Variants in CNTN3 observed in about 807,000 individuals in gnomAD.
CNTN3 encodes the protein contactin 3, also known as contactin-3.
A neutral mutation model predicts 119.1 loss-of-function variants in CNTN3; 60 were observed. That is an observed-to-expected ratio of 0.50 (90% CI 0.41 to 0.62). CNTN3 has a LOEUF of 0.62. Ranked by LOEUF, CNTN3 falls within the 20% of genes least tolerant of loss-of-function variation. The pLI is 0.00. For synonymous variants in CNTN3, 450 were observed against 438.7 expected, an observed-to-expected ratio of 1.03 and a Z score of -0.32; for missense variants, 1,101 against 1,242.4, an observed-to-expected ratio of 0.89 and a Z score of 1.71.
intron 5 of CNTN3, among the ~76,000 whole-genome samples, chr3:74,403,740 T>C (rs1360114152): frequency 1.3e-5 from 2 of 152,142 alleles, no homozygotes; most frequent in Admixed American, 6.6e-5. Flanking sequence ...AGAAAGTTAT[T>C]GGGCCTTTAG....
At chr3:74,496,016 C>A (rs1163657664) in intron 3 of CNTN3, among the ~76,000 whole-genome samples, 1 of 152,064 alleles carries the variant, frequency 6.6e-6, no homozygotes, top group African/African-American at 2.4e-5. Flanking sequence ...CTGTCAAATA[C>A]AGTGGCAACT....
chr3:74,319,958 C>T (rs1702943718), intron 13 of CNTN3, among the ~76,000 whole-genome samples: 1 of 152,086 alleles, frequency 6.6e-6, no homozygotes, highest in South Asian at 2.1e-4. Context: ...CAAATCAATA[C>T]CACAATGAGA....
At chr3:74,502,720 G>C (rs983572575) in intron 2 of CNTN3, among the ~76,000 whole-genome samples, 1 of 151,998 alleles carries the variant, frequency 6.6e-6, no homozygotes, top group Non-Finnish European at 1.5e-5. Context: ...TTGTCATTCA[G>C]AATTTAGCAT....
At chr3:74,365,865 A>G (rs995838670) in intron 8 of CNTN3, among the ~76,000 whole-genome samples, 163 bp from the exon 9 acceptor site, 3 of 152,162 alleles carry the variant, frequency 2.0e-5, no homozygotes, top group Admixed American at 1.3e-4. Context: ...TTCACTAAGT[A>G]TCTACTCATT....
intron 12 of CNTN3, among the ~76,000 whole-genome samples, chr3:74,335,599 G>A (rs1303064925): frequency 1.3e-5 from 2 of 152,074 alleles, no homozygotes; most frequent in African/African-American, 4.8e-5. Flanking sequence ...CTACAATTAT[G>A]CTAGTCAATT....
chr3:74,277,533 T>C (rs1347468037), intron 20 of CNTN3, among the ~76,000 whole-genome samples: 3 of 152,088 alleles, frequency 2.0e-5, no homozygotes, highest in East Asian at 3.9e-4. Flanking sequence ...ATTATCTCAA[T>C]AGATACAGAA....
At position 74,369,186 on chromosome 3, in the gene CNTN3, C is replaced by T; in HGVS notation, c.946+3G>A. On this transcript the variant is annotated splice_donor_region_variant and intron_variant, in intron 8 of 22. Coordinates refer to ENST00000263665, the MANE Select transcript of CNTN3 (RefSeq NM_020872.3). ...CTCCAATTTGCCCAAAGCAGATGCT[C>T]ACCATAGTAAGTGAGACGCCCTCTG... 1 of 1,586,084 alleles carries T rather than the reference C, an allele frequency of 6.3e-7. No homozygotes were observed. Among genetic ancestry groups the T allele is most frequent in the Non-Finnish European group, 8.6e-7 (1 of 1,167,714 alleles).
At chr3:74,314,921 C>T (rs1429269224) in intron 13 of CNTN3, among the ~76,000 whole-genome samples, 3 of 152,104 alleles carry the variant, frequency 2.0e-5, no homozygotes, top group Non-Finnish European at 4.4e-5. Flanking sequence ...TACTGCATTC[C>T]CAGGAGGTCA....
chr3:74,306,102 A>G (rs971069783), intron 13 of CNTN3, among the ~76,000 whole-genome samples: 3 of 151,942 alleles, frequency 2.0e-5, no homozygotes, highest in African/African-American at 7.3e-5. Flanking sequence ...AGAAACTCCA[A>G]AAGGAAGTTT....
intron 4 of CNTN3, among the ~76,000 whole-genome samples, chr3:74,452,412 T>G (rs968394858): frequency 7.0e-6 from 1 of 142,756 alleles, no homozygotes; most frequent in Non-Finnish European, 1.5e-5. Flanking sequence ...AAGGAGATTT[T>G]GGGCTGAGAC....
At chr3:74,570,841 G>A (rs568210654) in intron 1 of CNTN3, among the ~76,000 whole-genome samples, 15 of 152,192 alleles carry the variant, frequency 9.9e-5, no homozygotes, top group African/African-American at 2.9e-4. Flanking sequence ...TAATAATTTC[G>A]AACTTGTAAC....
Position 74,439,007 on chromosome 3 carries a change from A to G in CNTN3, c.359-14067T>C, listed in dbSNP as rs561374434. Among the ~76,000 whole-genome samples the G allele has an allele frequency of 3.3e-5, 5 of 152,266 alleles. No homozygotes were observed. The South Asian group carries it at 8.3e-4, about 25-fold the overall frequency. Reference sequence around the variant, plus strand: ...TAGTTCCAGAGTAATAGCATAGTTCACAGGTGGTGAGAACTCCTGTGATCT... The same window carrying G: ...TAGTTCCAGAGTAATAGCATAGTTCGCAGGTGGTGAGAACTCCTGTGATCT... On this transcript the variant is annotated intron_variant, in intron 4 of 22. Transcript: ENST00000263665.
chr3:74,614,434 C>G lies in CNTN3; in HGVS notation c.-124G>C, dbSNP rs1422749438. 1.3e-4 allele frequency among the ~76,000 whole-genome samples: 3 copies of G among 22,770 alleles called. No individual in the cohort carries two copies. Among genetic ancestry groups the G allele is most frequent in the Non-Finnish European group, 1.6e-4 (2 of 12,334 alleles). 14.9% of individuals were successfully genotyped at this position (22,770 alleles called of 152,430 possible). A position where few individuals can be genotyped will look rare whatever the true frequency, so the allele number is the denominator to read the frequency against. ...CAGACGCCCGCCCCGACGGCCCACT[C>G]GCCGCCGCCGCCGCCGCCGCCGCCG... On this transcript the variant is annotated 5_prime_UTR_variant, in exon 1 of 23. Coordinates refer to ENST00000263665, the MANE Select transcript of CNTN3 (RefSeq NM_020872.3).
intron 4 of CNTN3, among the ~76,000 whole-genome samples, chr3:74,453,780 A>T (rs1362815213): frequency 6.6e-6 from 1 of 151,570 alleles, no homozygotes; most frequent in Non-Finnish European, 1.5e-5. Context: ...TGTACCCAGT[A>T]GTCATTCAGG....
rs111504368 is a variant in CNTN3, at chr3:74,413,733, A to G, written c.454+11112T>C. On this transcript the variant is annotated intron_variant, in intron 5 of 22. Transcript: ENST00000263665. ...TTCTGTGAATGAATTCTTACTGAAA[A>G]CTTCATGCATGATTCATTCCACTCT... 9.8e-3 allele frequency among the ~76,000 whole-genome samples: 1,490 copies of G among 152,212 alleles called. 25 individuals are homozygous for G. The highest frequency in any genetic ancestry group is 0.034 in the African/African-American group (1,398 of 41,530).
intron 4 of CNTN3, among the ~76,000 whole-genome samples, chr3:74,484,340 C>A (rs1702814413): frequency 6.6e-6 from 1 of 152,024 alleles, no homozygotes; most frequent in South Asian, 2.1e-4. Context: ...AGAAAACTGA[C>A]TGTATCTTCA....
intron 1 of CNTN3, among the ~76,000 whole-genome samples, chr3:74,538,103 C>CA (rs201787744): frequency 1.3e-4 from 20 of 150,180 alleles, no homozygotes; most frequent in South Asian, 2.1e-4. Flanking sequence ...TGCCCACCAA[C>CA]AAAAAAAAAG....
chr3:74,424,406 T>TACAC (rs68147502), intron 5 of CNTN3, among the ~76,000 whole-genome samples: 1 of 148,554 alleles, frequency 6.7e-6, no homozygotes, highest in South Asian at 2.1e-4. Flanking sequence ...TATATATATA[T>TACAC]ATATAAAATA....
At chr3:74,273,524 C>T (rs952032336) in intron 20 of CNTN3, among the ~76,000 whole-genome samples, 4 of 152,190 alleles carry the variant, frequency 2.6e-5, no homozygotes, top group Admixed American at 6.5e-5. Flanking sequence ...TCCTCCACCC[C>T]CAAACACATA....
Sources: allele counts gnomAD v4.1 joint callset (sites outside exome capture counted in the v4.1 genomes callset), GRCh38; gene constraint gnomAD v4.1.1; transcripts MANE v1.5; gene names NCBI Gene and HGNC (gene_info 2026-07-23, HGNC 2026-07-21).